The following ATP2B1 variants were observed in gnomAD, a reference collection of about 807,000 sequenced individuals.
ATP2B1 encodes the protein ATPase plasma membrane Ca2+ transporting 1.
A neutral mutation model predicts 124.2 loss-of-function variants in ATP2B1; 14 were observed. That is an observed-to-expected ratio of 0.11 (90% CI 0.07 to 0.18). The LOEUF (loss-of-function observed/expected upper bound fraction) is 0.18. Ranked by LOEUF, ATP2B1 falls within the 10% of genes least tolerant of loss-of-function variation. The pLI is 1.00. For missense variants in ATP2B1, 763 were observed against 1,466.1 expected (o/e 0.52, Z 7.83); for synonymous variants, 449 against 492.4 (o/e 0.91, Z 1.17).
chr12:89,620,374 T>C, intron 10 of ATP2B1, 134 bp from the exon 11 acceptor site: 1 of 1,158,586 alleles, frequency 8.6e-7, no homozygotes, highest in Non-Finnish European at 1.2e-6. Context: ...TAAAGAAGGA[T>C]ATAGAAAAGT....
chr12:89,603,389 A>T lies in ATP2B1; in HGVS notation c.2849-135T>A. ...ATGGAAGGAGCTAGAGAAACCTGGG[A>T]TTATCTAGTACAACTCTCTTGTTTT... On this transcript the variant is annotated intron_variant, in intron 17 of 20. Transcript: ENST00000428670. This position sits in a 1 kb window ranked among gnomAD's most constrained non-coding sequence, Gnocchi z 4.3. 6.7e-6 allele frequency: 5 copies of T among 741,742 alleles called. No individual in the cohort carries two copies. The highest frequency in any genetic ancestry group is 1.1e-5 in the Non-Finnish European group (5 of 468,258). 45.9% of individuals were successfully genotyped at this position (741,742 alleles called of 1,614,324 possible).
chr12:89,610,181 G>A, intron 14 of ATP2B1, 138 bp from the exon 15 acceptor site: 1 of 885,324 alleles, frequency 1.1e-6, no homozygotes, highest in Non-Finnish European at 1.7e-6. Flanking sequence ...TTGCTTAGAT[G>A]TTGGGTGAGA....
intron 3 of ATP2B1, among the ~76,000 whole-genome samples, chr12:89,641,318 T>C (rs1379431898): frequency 1.3e-5 from 2 of 152,198 alleles, no homozygotes; most frequent in Non-Finnish European, 2.9e-5. Flanking sequence ...AATGTATTTC[T>C]CTATTGGTTA....
chr12:89,643,347 A>AT (rs1049436937), intron 2 of ATP2B1, among the ~76,000 whole-genome samples: 10 of 152,126 alleles, frequency 6.6e-5, no homozygotes, highest in East Asian at 3.9e-4. Context: ...TGAAAGTCTG[A>AT]TTTTTTACTC....
At chr12:89,626,055 G>A (rs547569154) in intron 8 of ATP2B1, among the ~76,000 whole-genome samples, 1 of 152,288 alleles carries the variant, frequency 6.6e-6, no homozygotes, top group South Asian at 2.1e-4. Flanking sequence ...ATTCAGTGCA[G>A]AACTTTAACA....
In ATP2B1 at chr12:89,591,009, A is replaced by G. The variant is rs781149320; in HGVS notation, c.3638T>C (p.Leu1213Pro). 1 of 1,612,848 alleles carries G rather than the reference A, an allele frequency of 6.2e-7. No individual in the cohort carries two copies. The highest frequency in any genetic ancestry group is 1.1e-5 in the South Asian group (1 of 91,040). ...TCAGAGTGATGTTTCCAAACTATGT[A>G]GTGGGCTTCCTGGGGATGAAGAGGT... ...SATSSSPGSP[L>P]HSLETSL Residue 1213 changes from leucine to proline, a missense_variant, in exon 21 of 21, where the codon CTA becomes CCA. By Grantham distance (98) the Leu-to-Pro change is moderately conservative. Around this residue, in one of 7 missense-constraint regions of ATP2B1, gnomAD observed 97 missense variants for 94.7 expected, o/e 1.02. Transcript: ENST00000428670.
At chr12:89,599,792 G>A (rs1438242777) in intron 19 of ATP2B1, among the ~76,000 whole-genome samples, 2 of 152,094 alleles carry the variant, frequency 1.3e-5, no homozygotes, top group African/African-American at 4.8e-5. Context: ...AAATGCAACA[G>A]TTTAAAATTG....
chr12:89,698,568 T>C (rs915558381), intron 1 of ATP2B1, among the ~76,000 whole-genome samples: 6 of 152,182 alleles, frequency 3.9e-5, no homozygotes, highest in Non-Finnish European at 7.3e-5. Flanking sequence ...TGTGGAAATA[T>C]ATACATGCCT....
chr12:89,665,310 A>C (rs1352294058), intron 1 of ATP2B1, among the ~76,000 whole-genome samples: 5 of 152,216 alleles, frequency 3.3e-5, no homozygotes, highest in Non-Finnish European at 7.3e-5. Context: ...TATTCAAAAA[A>C]TGTGGAGACT....
chr12:89,658,655 T>C (rs992222961), intron 1 of ATP2B1, among the ~76,000 whole-genome samples: 14 of 62,262 alleles, frequency 2.2e-4, no homozygotes. Context: ...GAGATAGAGA[T>C]AGCATGTGGC....
At chr12:89,611,502 G>T in intron 12 of ATP2B1, 130 bp from the exon 13 acceptor site, 3 of 691,044 alleles carry the variant, frequency 4.3e-6, no homozygotes, top group Non-Finnish European at 6.4e-6. Context: ...ACTTAATAAT[G>T]ATTGATTTCA....
At chr12:89,623,654 G>T (rs1348770552) in intron 9 of ATP2B1, among the ~76,000 whole-genome samples, 1 of 152,206 alleles carries the variant, frequency 6.6e-6, no homozygotes, top group African/African-American at 2.4e-5. Flanking sequence ...TCATCAGGAA[G>T]GCTGGTGAGA....
intron 9 of ATP2B1, 126 bp from the exon 10 acceptor site, chr12:89,621,917 A>C: frequency 9.4e-7 from 1 of 1,060,080 alleles, no homozygotes; most frequent in Non-Finnish European, 1.3e-6. Context: ...ACAATGTATA[A>C]AGTACCAATG....
intron 3 of ATP2B1, chr12:89,641,704 T>C (rs1883530555): frequency 6.5e-6 from 1 of 153,398 alleles, no homozygotes; most frequent in Non-Finnish European, 1.5e-5. Flanking sequence ...GCAAGGAAAT[T>C]ATCCAAATGG....
chr12:89,678,924 T>A (rs1889012212), intron 1 of ATP2B1, among the ~76,000 whole-genome samples: 1 of 152,124 alleles, frequency 6.6e-6, no homozygotes, highest in Non-Finnish European at 1.5e-5. Flanking sequence ...AATATAAAGT[T>A]CCTCTGTTGC....
At chr12:89,692,349 C>G (rs1014347412) in intron 1 of ATP2B1, among the ~76,000 whole-genome samples, 6 of 152,080 alleles carry the variant, frequency 3.9e-5, no homozygotes, top group Non-Finnish European at 1.5e-5. Flanking sequence ...GGTTTCATTA[C>G]GACATTGATG....
chr12:89,605,455 T>G (rs956246159), intron 15 of ATP2B1, among the ~76,000 whole-genome samples: 2 of 152,176 alleles, frequency 1.3e-5, no homozygotes, highest in African/African-American at 4.8e-5. Context: ...CTCTTGCTTT[T>G]GTGCTCACTT....
intron 1 of ATP2B1, among the ~76,000 whole-genome samples, chr12:89,673,387 A>G (rs1428122861): frequency 6.6e-6 from 1 of 152,212 alleles, no homozygotes; most frequent in Non-Finnish European, 1.5e-5. Context: ...CAAAGTATCC[A>G]CCACTTAAAT....
At chr12:89,640,495 T>C (rs1370913102) in intron 3 of ATP2B1, among the ~76,000 whole-genome samples, 1 of 152,196 alleles carries the variant, frequency 6.6e-6, no homozygotes, top group Admixed American at 6.5e-5. Context: ...CTAAGAAACC[T>C]TAATCTATAC....
Sources: allele counts gnomAD v4.1 joint callset (sites outside exome capture counted in the v4.1 genomes callset), GRCh38; gene constraint gnomAD v4.1.1; regional missense constraint gnomAD v4.1.1; non-coding constraint Gnocchi (gnomAD v3.1); transcripts MANE v1.5; gene names NCBI Gene and HGNC (gene_info 2026-07-23, HGNC 2026-07-21).